The following ITSN1 variants were observed in gnomAD, a reference collection of about 807,000 sequenced individuals.
The protein encoded by ITSN1 is intersectin 1, also known as intersectin-1.
Under a neutral mutation model 239.8 loss-of-function variants are expected in ITSN1, and 58 were observed. That is an observed-to-expected ratio of 0.24 (90% CI 0.20 to 0.30). The LOEUF (loss-of-function observed/expected upper bound fraction) is 0.30. Ranked by LOEUF, ITSN1 falls within the 10% of genes least tolerant of loss-of-function variation. The probability of loss-of-function intolerance (pLI) is 1.00; values close to 1 mark genes in which losing one functional copy is unlikely to be tolerated. For missense variants in ITSN1, 1,558 were observed against 2,103.3 expected, an observed-to-expected ratio of 0.74 and a Z score of 5.07; for synonymous variants, 780 against 770.8, an observed-to-expected ratio of 1.01 and a Z score of -0.20.
At position 33,836,503 on chromosome 21, in the gene ITSN1, A is replaced by G; in HGVS notation, c.3532A>G (p.Lys1178Glu). 6.2e-7 allele frequency: 1 copy of G among 1,614,028 alleles called. No individual in the cohort carries two copies. Among genetic ancestry groups the G allele is most frequent in the Non-Finnish European group, 8.5e-7 (1 of 1,179,910 alleles). Residue 1178 changes from lysine (K) to glutamate (E), a missense_variant, in exon 29 of 40, where the codon AAG (lysine) becomes GAG (glutamate). By Grantham distance (56) the Lys-to-Glu change is moderately conservative (BLOSUM62 1). Transcript: ENST00000381318. ...GAATGACGATGAGCTGGCCTTCAAC[A>G]AGGGCCAGATCATCAACGTCCTCAA... is the stretch of plus-strand genomic sequence containing the variant. ...AQNDDELAFN[K>E]GQIINVLNKE...
Position 33,878,011 on chromosome 21 carries a change from TG to T in ITSN1, c.4341+2491del, listed in dbSNP as rs1245163024. On this transcript the variant is annotated intron_variant, in intron 34 of 39. Transcript: ENST00000381318. ...CTCTTTCTCTTTCTCTCTCTCTTTG[TG>T]TGTGTGTGTGTGTGTGTGTGTGTGT... Among the ~76,000 whole-genome samples the T allele has an allele frequency of 1.5e-4, 3 of 19,452 alleles. No individual in the cohort carries two copies. The African/African-American group carries it at 2.4e-3, about 16-fold the overall frequency. 12.8% of individuals were successfully genotyped at this position (19,452 alleles called of 152,430 possible). A position where few individuals can be genotyped will look rare whatever the true frequency, so the allele number is the denominator to read the frequency against.
At chr21:33,677,305 A>T (rs572733444) in intron 1 of ITSN1, among the ~76,000 whole-genome samples, 1 of 151,980 alleles carries the variant, frequency 6.6e-6, no homozygotes, top group African/African-American at 2.4e-5. Context: ...GCATCTAATA[A>T]TAAGCTGTTC....
intron 22 of ITSN1, chr21:33,814,418 G>T: frequency 4.1e-6 from 1 of 243,974 alleles, no homozygotes; most frequent in Non-Finnish European, 8.1e-6. Flanking sequence ...AAGGCAGACA[G>T]TCAGAATGTA....
rs1418005790 is a variant in ITSN1 at position 33,833,684 on chromosome 21, G to A, written c.3352-623G>A. Among the ~76,000 whole-genome samples the A allele has an allele frequency of 5.3e-5, 8 of 152,210 alleles. No homozygotes were observed. The East Asian group carries it at 1.2e-3, about 22-fold the overall frequency. ...AGATCGAGACCATCCTGGCTAACAC[G>A]GTGAAACCCTGTCTCTACTAAAAAT... On this transcript the variant is annotated intron_variant, in intron 27 of 39. Coordinates refer to ENST00000381318, the MANE Select transcript of ITSN1 (RefSeq NM_003024.3).
At chr21:33,828,864 G>A (rs964500042) in intron 26 of ITSN1, 3 of 448,764 alleles carry the variant, frequency 6.7e-6, no homozygotes, top group African/African-American at 6.1e-5. Context: ...TACCGCTGGA[G>A]TTTTTCCCAT....
intron 29 of ITSN1, chr21:33,836,835 G>A: frequency 1.4e-6 from 1 of 704,972 alleles, no homozygotes; most frequent in South Asian, 2.0e-5. Flanking sequence ...CATTCCTTCT[G>A]TAGCATGTCC....
At chr21:33,679,215 C>T (rs1284669568) in intron 1 of ITSN1, among the ~76,000 whole-genome samples, 2 of 151,790 alleles carry the variant, frequency 1.3e-5, no homozygotes, top group East Asian at 3.9e-4. Context: ...TGTGTTATTC[C>T]CTTTGTGTGT....
rs1381619607 is a variant in ITSN1 at position 33,889,494 on chromosome 21, T to TAAAGTGTCATAAACA, written c.*1194_*1195insAAAGTGTCATAAACA. 2.0e-5 allele frequency: 3 copies of TAAAGTGTCATAAACA among 152,244 alleles called. No homozygotes were observed. Among genetic ancestry groups the TAAAGTGTCATAAACA allele is most frequent in the Admixed American group, 1.3e-4 (2 of 15,276 alleles). 9.4% of individuals were successfully genotyped at this position (152,244 alleles called of 1,614,324 possible). On this transcript the variant is annotated 3_prime_UTR_variant, in exon 40 of 40. Transcript: ENST00000381318. ...TGCAAGAGTCAGGACTTTATGACTA[T>TAAAGTGTCATAAACA]GTGCCAAGCTGTTTGGTTTGAGTTC...
intron 9 of ITSN1, among the ~76,000 whole-genome samples, chr21:33,765,654 CATT>C (rs1369693251): frequency 2.6e-5 from 4 of 152,094 alleles, no homozygotes; most frequent in Admixed American, 2.6e-4. Flanking sequence ...GGAAGAGTAT[CATT>C]ATAATCATAG....
chr21:33,829,055 G>T, intron 26 of ITSN1: 1 of 465,290 alleles, frequency 2.1e-6, no homozygotes. Context: ...CAAAATGTGA[G>T]CCATAAAGAA....
At chr21:33,661,771 A>G (rs2089575847) in intron 1 of ITSN1, among the ~76,000 whole-genome samples, 1 of 152,102 alleles carries the variant, frequency 6.6e-6, no homozygotes, top group Non-Finnish European at 1.5e-5. Flanking sequence ...ATGGTTTTCT[A>G]AGGGGTTTCC....
intron 29 of ITSN1, among the ~76,000 whole-genome samples, chr21:33,849,545 A>C (rs1459319730): frequency 1.3e-5 from 2 of 150,098 alleles, no homozygotes; most frequent in East Asian, 3.9e-4. Flanking sequence ...TAGCCTGGGC[A>C]ACAGAGCAAG....
intron 1 of ITSN1, among the ~76,000 whole-genome samples, chr21:33,676,803 G>A (rs78597521): frequency 0.042 from 6,391 of 152,098 alleles, 460 homozygotes; most frequent in African/African-American, 0.15. Flanking sequence ...TAGTTTGTTC[G>A]GAATGATGGT....
chr21:33,661,649 A>G (rs1426139308), intron 1 of ITSN1, among the ~76,000 whole-genome samples: 2 of 152,198 alleles, frequency 1.3e-5, no homozygotes, highest in Non-Finnish European at 2.9e-5. Context: ...CTTGAAATGT[A>G]GCTCCCATAA....
At chr21:33,691,810 A>G (rs1003180897) in intron 1 of ITSN1, among the ~76,000 whole-genome samples, 5 of 152,184 alleles carry the variant, frequency 3.3e-5, no homozygotes, top group Non-Finnish European at 7.4e-5. Context: ...CTGTTCTTAT[A>G]AGGGTACCAA....
chr21:33,658,502 G>A (rs1420402773), intron 1 of ITSN1, among the ~76,000 whole-genome samples: 1 of 152,128 alleles, frequency 6.6e-6, no homozygotes, highest in Non-Finnish European at 1.5e-5. Flanking sequence ...TATTTACAGT[G>A]GTATTTGTGT....
At chr21:33,743,241 G>A (rs8127021) in intron 5 of ITSN1, among the ~76,000 whole-genome samples, 4,804 of 152,252 alleles carry the variant, frequency 0.032, 270 homozygotes, top group African/African-American at 0.11. Context: ...CGAGGTGAGC[G>A]GATCACCTGA....
intron 22 of ITSN1, among the ~76,000 whole-genome samples, chr21:33,815,402 G>T (rs2073201236): frequency 6.6e-6 from 1 of 151,972 alleles, no homozygotes; most frequent in South Asian, 2.1e-4. Flanking sequence ...GTGGGGGTTT[G>T]TTCCAGAGAG....
intron 1 of ITSN1, among the ~76,000 whole-genome samples, chr21:33,715,494 A>G (rs1299838907): frequency 2.0e-5 from 3 of 152,242 alleles, no homozygotes; most frequent in Admixed American, 6.5e-5. Context: ...ACAAAAAGAT[A>G]TATGACATGT....
Sources: allele counts gnomAD v4.1 joint callset (sites outside exome capture counted in the v4.1 genomes callset), GRCh38; gene constraint gnomAD v4.1.1; transcripts MANE v1.5; gene names NCBI Gene and HGNC (gene_info 2026-07-23, HGNC 2026-07-21).